METTL13: variants seen among roughly 807,000 people sequenced by gnomAD.
The protein encoded by METTL13 is methyltransferase 13, eEF1A N-terminus and K55, also known as eEF1A lysine and N-terminal methyltransferase.
In METTL13, 52 loss-of-function variants were observed where a neutral mutation model predicts 67.4. That is an observed-to-expected ratio of 0.77 (90% CI 0.62 to 0.97). The LOEUF (loss-of-function observed/expected upper bound fraction) is 0.97. METTL13 is among the 50% of genes least tolerant of loss of function. The pLI, the probability that METTL13 is intolerant of heterozygous loss-of-function variation, is 0.00. For synonymous variants in METTL13, 354 were observed against 353.6 expected (o/e 1.00, Z -0.01); for missense variants, 825 against 889.6 (o/e 0.93, Z 0.92).
rs779639856 is a variant in METTL13, at chr1:171,796,772, A to G, written c.*16A>G. On this transcript the variant is annotated 3_prime_UTR_variant, in exon 8 of 8. Transcript: ENST00000361735. ...AATTGTGTGACTGCTTAGGCCAAGCAGCCCTCCTGCCTAGACTGACCTTGG... is the reference window on the plus strand; with the variant it reads ...AATTGTGTGACTGCTTAGGCCAAGCGGCCCTCCTGCCTAGACTGACCTTGG... 5 of 1,611,802 alleles carry G rather than the reference A, an allele frequency of 3.1e-6. No homozygotes were observed. In the South Asian group the frequency reaches 4.4e-5, roughly 14 times the overall value.
chr1:171,784,348 G>A lies in METTL13; in HGVS notation c.762G>A (p.Trp254Ter). Residue 254 changes from tryptophan (W) to a stop codon, truncating the protein, a stop_gained, in exon 2 of 8, where the codon TGG becomes TGA. Transcript: ENST00000361735. LOFTEE classifies it high-confidence loss of function. ...EAVQERQQYAWLCSQLRRKAR... is the reference protein window; with the variant it reads ...EAVQERQQYA ...TGCAGGAGCGACAGCAGTATGCCTGGCTGTGCAGCCAGCTGCGCCGCAAGG... is the reference window on the plus strand; with the variant it reads ...TGCAGGAGCGACAGCAGTATGCCTGACTGTGCAGCCAGCTGCGCCGCAAGG... 6.3e-7 allele frequency: 1 copy of A among 1,584,106 alleles called. No homozygotes were observed. The highest frequency in any genetic ancestry group is 8.6e-7 in the Non-Finnish European group (1 of 1,164,598).
At chr1:171,790,985 C>A (rs1236723443) in intron 5 of METTL13, 1 of 161,198 alleles carries the variant, frequency 6.2e-6, no homozygotes, top group Non-Finnish European at 1.3e-5. Context: ...TTTCTACTTT[C>A]TGAAAAGATT....
In METTL13 at chr1:171,784,417, G is replaced by A. The variant is rs757868105; in HGVS notation, c.831G>A (p.Thr277=). The A allele has an allele frequency of 1.4e-5, 22 of 1,541,414 alleles. No homozygotes were observed. The Middle Eastern group carries it at 5.2e-4, about 37-fold the overall frequency. The part of the protein sequence containing the change: ...SVSLDLCDGD[T]GEPRYTLHVV... ...CTCTGGACTTGTGCGATGGGGACAC[G>A]GGGGAGCCACGCTACACCCTCCACG... The change falls in exon 2 of 8, where the codon ACG becomes ACA. Residue 277 remains threonine (T), a synonymous_variant. Coordinates refer to ENST00000361735, the MANE Select transcript of METTL13 (RefSeq NM_015935.5).
intron 2 of METTL13, among the ~76,000 whole-genome samples, chr1:171,785,008 T>G (rs1049259556): frequency 2.0e-5 from 3 of 152,202 alleles, no homozygotes; most frequent in African/African-American, 7.2e-5. Flanking sequence ...CCAGACTGTT[T>G]GGGTTTCAGT....
rs1273087177 is a variant in METTL13 at position 171,785,862 on chromosome 1, C to T, written c.914-17C>T. ...ATCACTTTCCAGGACTCCCTGTAACCAAGTTCTTTTTTCTAGTCCCTCAGG... is the reference window on the plus strand; with the variant it reads ...ATCACTTTCCAGGACTCCCTGTAACTAAGTTCTTTTTTCTAGTCCCTCAGG... On this transcript the variant is annotated splice_polypyrimidine_tract_variant and intron_variant, in intron 2 of 7. Coordinates refer to ENST00000361735, the MANE Select transcript of METTL13 (RefSeq NM_015935.5). 6 of 1,610,954 alleles carry T rather than the reference C, an allele frequency of 3.7e-6. No individual in the cohort carries two copies. Among genetic ancestry groups the T allele is most frequent in the Non-Finnish European group, 5.1e-6 (6 of 1,179,434 alleles).
Position 171,797,690 on chromosome 1 carries a change from A to AGAACCATTAACCC in METTL13, c.*944_*945insCCCGAACCATTAA, listed in dbSNP as rs1323030864. 3.9e-5 allele frequency: 6 copies of AGAACCATTAACCC among 152,258 alleles called. No homozygotes were observed. Among genetic ancestry groups the AGAACCATTAACCC allele is most frequent in the African/African-American group, 1.4e-4 (6 of 41,466 alleles). The allele number at this position is 152,258 out of a possible 1,614,324, so 9.4% of individuals were successfully genotyped here. On this transcript the variant is annotated 3_prime_UTR_variant, in exon 8 of 8. Coordinates refer to ENST00000361735, the MANE Select transcript of METTL13 (RefSeq NM_015935.5). ...AAACATCAATCTTAACCATTTATTC[A>AGAACCATTAACCC]GAACCATTAAACCAATGATTCCAAG...
At chr1:171,792,321 C>T in intron 6 of METTL13, 86 bp downstream of exon 6, 1 of 1,441,118 alleles carries the variant, frequency 6.9e-7, no homozygotes, top group South Asian at 1.2e-5. Context: ...CAGTTTATCT[C>T]TAAGAGAGTG....
intron 3 of METTL13, 95 bp downstream of exon 3, chr1:171,786,173 C>T (rs1175087013): frequency 2.3e-6 from 3 of 1,297,818 alleles, no homozygotes; most frequent in Non-Finnish European, 1.1e-6. Flanking sequence ...GGACTAGAGT[C>T]TGTGACTCTT....
chr1:171,794,612 C>T (rs907304893), intron 7 of METTL13, 85 bp downstream of exon 7: 75 of 1,566,238 alleles, frequency 4.8e-5, no homozygotes, highest in South Asian at 1.8e-4. Flanking sequence ...CACAGAAGTG[C>T]GAGCTCGATC....
chr1:171,791,665 T>C (rs1294437002), intron 5 of METTL13, among the ~76,000 whole-genome samples: 1 of 152,164 alleles, frequency 6.6e-6, no homozygotes, highest in African/African-American at 2.4e-5. Context: ...GATTTTGCCA[T>C]GTTGCCCAGG....
chr1:171,795,486 G>A (rs191859174), intron 7 of METTL13, among the ~76,000 whole-genome samples: 1 of 152,324 alleles, frequency 6.6e-6, no homozygotes, highest in East Asian at 1.9e-4. Context: ...CACCAGCATG[G>A]TGATGCTAGC....
At chr1:171,785,801 C>T (rs1359379389) in intron 2 of METTL13, 78 bp from the exon 3 acceptor site, 10 of 1,446,864 alleles carry the variant, frequency 6.9e-6, no homozygotes, top group Non-Finnish European at 9.5e-6. Flanking sequence ...CAGGGACTGG[C>T]TCCCTGCCGT....
chr1:171,783,138 AGCATAT>A (rs1210280652), intron 1 of METTL13, among the ~76,000 whole-genome samples: 2 of 151,178 alleles, frequency 1.3e-5, no homozygotes, highest in Non-Finnish European at 2.9e-5. Flanking sequence ...CTGGCTCCAG[AGCATAT>A]GCACATCTCT....
chr1:171,796,941 C>T lies in METTL13; in HGVS notation c.*185C>T, dbSNP rs969895725. The T allele has an allele frequency of 2.7e-6, 2 of 736,438 alleles. No individual in the cohort carries two copies. The highest frequency in any genetic ancestry group is 2.9e-5 in the East Asian group (1 of 35,058). 45.6% of individuals were successfully genotyped at this position (736,438 alleles called of 1,614,324 possible). Reference sequence around the variant, plus strand: ...TTAGGGAAAATAAAAATGTCCTTCCCATCTTGTCCTCTTCAGTACCACTTG... The same window carrying T: ...TTAGGGAAAATAAAAATGTCCTTCCTATCTTGTCCTCTTCAGTACCACTTG... On this transcript the variant is annotated 3_prime_UTR_variant, in exon 8 of 8. Coordinates refer to ENST00000361735, the MANE Select transcript of METTL13 (RefSeq NM_015935.5).
Position 171,782,125 on chromosome 1 carries a change from G to C in METTL13, c.153+5G>C. ...TATATCAAGCCCAGGGAAAAGGTGA[G>C]GAGCGCGGGTTGGTAGCCCTTCGTA... On this transcript the variant is annotated splice_donor_5th_base_variant and intron_variant, in intron 1 of 7. Transcript: ENST00000361735. 6.2e-7 allele frequency: 1 copy of C among 1,612,954 alleles called. No individual in the cohort carries two copies. Among genetic ancestry groups the C allele is most frequent in the Non-Finnish European group, 8.5e-7 (1 of 1,179,108 alleles).
chr1:171,789,849 A>AGGGGG (rs369251334), intron 4 of METTL13, among the ~76,000 whole-genome samples: 8 of 108,676 alleles, frequency 7.4e-5, no homozygotes, highest in East Asian at 2.4e-4. Context: ...GGGGCGGGGT[A>AGGGGG]GGGGGGGCAC....
In METTL13 at chr1:171,784,236, G is replaced by T; in HGVS notation, c.650G>T (p.Gly217Val). Residue 217 changes from glycine (G) to valine (V), a missense_variant, in exon 2 of 8, where the codon GGC becomes GTC. By Grantham distance (109) the Gly-to-Val change is moderately radical (BLOSUM62 -3). Transcript: ENST00000361735. ...FIMTKFRPVP[G>V]SALQIFELCA... ...ATGACCAAGTTCAGGCCAGTCCCTG[G>T]CTCTGCCCTTCAGATCTTTGAGCTG... 6.2e-7 allele frequency: 1 copy of T among 1,614,046 alleles called. No homozygotes were observed. Among genetic ancestry groups the T allele is most frequent in the Non-Finnish European group, 8.5e-7 (1 of 1,180,034 alleles).
At chr1:171,782,428 C>G (rs1656857631) in intron 1 of METTL13, among the ~76,000 whole-genome samples, 1 of 151,678 alleles carries the variant, frequency 6.6e-6, no homozygotes, top group African/African-American at 2.4e-5. Flanking sequence ...ATTAGCCGGG[C>G]GTGGTGGCGC....
chr1:171,796,304 C>A (rs905491105), intron 7 of METTL13, among the ~76,000 whole-genome samples, 178 bp from the exon 8 acceptor site: 3 of 152,170 alleles, frequency 2.0e-5, no homozygotes, highest in African/African-American at 7.2e-5. Context: ...CACATGCTCC[C>A]CATGCTTTTC....
Sources: gnomAD v4.1 joint callset for allele counts (sites outside exome capture counted in the v4.1 genomes callset) on GRCh38, gnomAD v4.1.1 for gene constraint, MANE v1.5 for transcripts, NCBI Gene and HGNC (gene_info 2026-07-23, HGNC 2026-07-21) for gene names.